Variants in GNS observed in about 807,000 individuals in gnomAD.
The protein encoded by GNS is N-acetylglucosamine-6-sulfatase.
GNS carries 40 observed loss-of-function variants against 69.7 expected under a neutral mutation model. The ratio of observed to expected loss-of-function variants is 0.57; its 90% confidence interval spans 0.45 to 0.75. GNS has a LOEUF of 0.75. GNS is among the 30% of genes least tolerant of loss of function. The probability of loss-of-function intolerance (pLI) is 0.00; values close to 1 mark genes in which losing one functional copy is unlikely to be tolerated. For synonymous variants in GNS, 243 were observed against 251.6 expected (o/e 0.97, Z 0.32); for missense variants, 565 against 685.5 (o/e 0.82, Z 1.96).
At chr12:64,717,691 T>C (rs1868910292) in intron 13 of GNS, among the ~76,000 whole-genome samples, 1 of 152,064 alleles carries the variant, frequency 6.6e-6, no homozygotes. Context: ...TGTGAAATCA[T>C]GAAGAAGGAA....
intron 1 of GNS, among the ~76,000 whole-genome samples, chr12:64,757,372 A>C (rs1313962749): frequency 6.6e-6 from 1 of 152,246 alleles, no homozygotes; most frequent in Non-Finnish European, 1.5e-5. Context: ...TCACTGCTAG[A>C]GAAGGCTTGC....
At chr12:64,730,434 C>CAAAAAAAAAAAAA (rs35692874) in intron 9 of GNS, among the ~76,000 whole-genome samples, 16 of 43,374 alleles carry the variant, frequency 3.7e-4, no homozygotes, top group East Asian at 8.8e-4. Context: ...ATATGAAAGG[C>CAAAAAAAAAAAAA]AAAAAAAAAA....
chr12:64,758,211 G>C (rs1870324026), intron 1 of GNS, among the ~76,000 whole-genome samples: 2 of 151,528 alleles, frequency 1.3e-5, no homozygotes, highest in East Asian at 3.9e-4. Context: ...CAACAGTCAG[G>C]TGTTCAATCA....
chr12:64,732,113 A>G (rs1486071831), intron 9 of GNS, among the ~76,000 whole-genome samples: 3 of 149,020 alleles, frequency 2.0e-5, no homozygotes, highest in Non-Finnish European at 4.4e-5. Context: ...CAGCCTCCCA[A>G]GTAGTTGGGA....
intron 6 of GNS, among the ~76,000 whole-genome samples, chr12:64,741,632 T>A (rs1373589818): frequency 2.0e-5 from 3 of 151,924 alleles, no homozygotes; most frequent in Non-Finnish European, 4.4e-5. Context: ...TCACCCTAGA[T>A]CCTAAGGAAA....
intron 11 of GNS, 126 bp from the exon 12 acceptor site, chr12:64,721,831 C>T: frequency 1.4e-6 from 1 of 718,100 alleles, no homozygotes; most frequent in South Asian, 1.4e-5. Context: ...AGAAAACCTT[C>T]CATGGGGAAG....
Position 64,714,576 on chromosome 12 carries a change from G to A in GNS, c.*2165C>T, listed in dbSNP as rs917772899. On this transcript the variant is annotated 3_prime_UTR_variant, in exon 14 of 14. Coordinates refer to ENST00000258145, the MANE Select transcript of GNS (RefSeq NM_002076.4). ...CCAAAAATAGAAGAGCGTAGAGAGG[G>A]CTGCACCACATCCTACCACGCAAGC... 3.9e-5 allele frequency: 6 copies of A among 152,168 alleles called. No homozygotes were observed. Among genetic ancestry groups the A allele is most frequent in the African/African-American group, 1.2e-4 (5 of 41,426 alleles). The allele number at this position is 152,168 out of a possible 1,614,324, so 9.4% of individuals were successfully genotyped here. A position where few individuals can be genotyped will look rare whatever the true frequency, so the allele number is the denominator to read the frequency against.
intron 10 of GNS, among the ~76,000 whole-genome samples, chr12:64,726,687 G>A (rs1869212382): frequency 6.6e-6 from 1 of 151,944 alleles, no homozygotes; most frequent in Non-Finnish European, 1.5e-5. Context: ...GTAGAGACTG[G>A]GTCTTGCCAT....
At chr12:64,735,180 T>C (rs1441279317) in intron 9 of GNS, among the ~76,000 whole-genome samples, 3 of 152,232 alleles carry the variant, frequency 2.0e-5, no homozygotes, top group African/African-American at 4.8e-5. Flanking sequence ...GGCTCCTTGG[T>C]GTACCGTGCT....
chr12:64,752,907 T>C, intron 1 of GNS, 150 bp from the exon 2 acceptor site: 3 of 646,292 alleles, frequency 4.6e-6, no homozygotes, highest in Non-Finnish European at 8.3e-6. Flanking sequence ...TGTATGATTC[T>C]AGAGACAAGT....
chr12:64,749,848 T>C (rs1870020828), intron 2 of GNS, among the ~76,000 whole-genome samples: 1 of 151,970 alleles, frequency 6.6e-6, no homozygotes, highest in Non-Finnish European at 1.5e-5. Flanking sequence ...TATCTTAATA[T>C]TACATTTTAG....
At chr12:64,731,800 G>T (rs895184749) in intron 9 of GNS, among the ~76,000 whole-genome samples, 56 of 152,284 alleles carry the variant, frequency 3.7e-4, no homozygotes, top group African/African-American at 1.3e-3. Flanking sequence ...GCTGGGCACA[G>T]TGGCTCTCGC....
At chr12:64,747,955 CAAGA>C in intron 2 of GNS, 37 bp from the exon 3 acceptor site, 6 of 1,105,462 alleles carry the variant, frequency 5.4e-6, no homozygotes, top group Non-Finnish European at 7.0e-6. Context: ...CAAAGTCACA[CAAGA>C]AAGATGGACT....
intron 10 of GNS, among the ~76,000 whole-genome samples, chr12:64,727,445 AC>A (rs1326133244): frequency 3.3e-5 from 5 of 152,152 alleles, no homozygotes; most frequent in Non-Finnish European, 7.3e-5. Context: ...TCAAAAACAA[AC>A]AAAACCATTA....
At chr12:64,735,903 T>A (rs1190595108) in intron 9 of GNS, among the ~76,000 whole-genome samples, 3 of 152,186 alleles carry the variant, frequency 2.0e-5, no homozygotes, top group African/African-American at 7.2e-5. Flanking sequence ...CAAGAGAATT[T>A]TAACAGAATT....
At chr12:64,735,270 C>A (rs913287890) in intron 9 of GNS, among the ~76,000 whole-genome samples, 7 of 152,186 alleles carry the variant, frequency 4.6e-5, no homozygotes, top group African/African-American at 1.7e-4. Flanking sequence ...CAGACTGCCC[C>A]AGTTCAAATG....
chr12:64,725,918 C>T (rs1869181492), intron 10 of GNS, among the ~76,000 whole-genome samples: 1 of 139,438 alleles, frequency 7.2e-6, no homozygotes, highest in South Asian at 2.3e-4. Flanking sequence ...ATGGCGTGAA[C>T]CAGGGAGGCG....
chr12:64,756,104 C>G (rs746443413), intron 1 of GNS, among the ~76,000 whole-genome samples: 1 of 152,174 alleles, frequency 6.6e-6, no homozygotes, highest in African/African-American at 2.4e-5. Context: ...CAGAGTCCCA[C>G]AGATACCTGG....
intron 3 of GNS, among the ~76,000 whole-genome samples, chr12:64,746,995 T>C (rs1869915978): frequency 6.6e-6 from 1 of 152,232 alleles, no homozygotes; most frequent in Non-Finnish European, 1.5e-5. Flanking sequence ...CCACTTTAAC[T>C]GTAAGAGCTA....
Sources: allele counts gnomAD v4.1 joint callset (sites outside exome capture counted in the v4.1 genomes callset), GRCh38; gene constraint gnomAD v4.1.1; transcripts MANE v1.5; gene names NCBI Gene and HGNC (gene_info 2026-07-23, HGNC 2026-07-21).